UNC5CL: variants seen among roughly 807,000 people sequenced by gnomAD.
UNC5CL encodes UNC5C-like protein.
In UNC5CL, 42 loss-of-function variants were observed where a neutral mutation model predicts 54.1. The observed-to-expected ratio is 0.78, with a 90% CI of 0.61 to 1.00. The LOEUF (loss-of-function observed/expected upper bound fraction) is 1.00. Ranked by LOEUF, UNC5CL falls within the 50% of genes least tolerant of loss-of-function variation. The pLI is 0.00. For missense variants in UNC5CL, 619 were observed against 675.6 expected (o/e 0.92, Z 0.93); for synonymous variants, 285 against 285.1 (o/e 1.00, Z 0.00).
chr6:41,034,827 A>T lies in UNC5CL; in HGVS notation c.248T>A (p.Leu83Gln). The T allele has an allele frequency of 6.2e-7, 1 of 1,614,212 alleles. No homozygotes were observed. ...LPEMVAFYQELHTPTQGQTMV... is the reference protein window; with the variant it reads ...LPEMVAFYQEQHTPTQGQTMV... ...GGTCTGGCCTTGAGTGGGTGTGTGT[A>T]GCTCCTGGTAGAAGGCAACCATCTC... The change falls in exon 2 of 9, where the codon CTA (leucine) becomes CAA (glutamine). Residue 83 changes from leucine to glutamine, a missense_variant. By Grantham distance (113) the Leu-to-Gln change is moderately radical. Transcript: ENST00000244565.
chr6:41,028,640 G>A lies in UNC5CL; in HGVS notation c.1335-45C>T, dbSNP rs1762417291. The A allele has an allele frequency of 3.2e-6, 5 of 1,575,138 alleles. No homozygotes were observed. Among genetic ancestry groups the A allele is most frequent in the Non-Finnish European group, 4.3e-6 (5 of 1,155,406 alleles). ...GAAGAGAAGGGTGTAGGAGCAGGGA[G>A]GGGCTCCCCCCCTGCTGCAGGCTCC... On this transcript the variant is annotated intron_variant, in intron 8 of 8. Coordinates refer to ENST00000244565, the MANE Select transcript of UNC5CL (RefSeq NM_173561.3). The surrounding 1 kb of genome is among the most constrained non-coding windows in gnomAD (Gnocchi z 4.3).
At chr6:41,034,649 C>CT (rs1762497240) in intron 2 of UNC5CL, 41 bp downstream of exon 2, 1 of 1,581,708 alleles carries the variant, frequency 6.3e-7, no homozygotes, top group Non-Finnish European at 8.6e-7. Context: ...AATGTACAGT[C>CT]TGACCAACTG....
rs1485676737 is a variant in UNC5CL, at chr6:41,028,197, C to T, written c.*176G>A. 2.9e-6 allele frequency: 2 copies of T among 682,640 alleles called. No homozygotes were observed. Among genetic ancestry groups the T allele is most frequent in the African/African-American group, 3.7e-5 (2 of 53,630 alleles). The allele number at this position is 682,640 out of a possible 1,614,324, so 42.3% of individuals were successfully genotyped here. ...GACCCGCACGCGGGACAGCTCGCGGCCGGAAGGGCGCGCCTGCTGCTGGGA... is the reference window on the plus strand; with the variant it reads ...GACCCGCACGCGGGACAGCTCGCGGTCGGAAGGGCGCGCCTGCTGCTGGGA... On this transcript the variant is annotated 3_prime_UTR_variant, in exon 9 of 9. Coordinates refer to ENST00000244565, the MANE Select transcript of UNC5CL (RefSeq NM_173561.3). This position sits in a 1 kb window ranked among gnomAD's most constrained non-coding sequence, Gnocchi z 4.3.
chr6:41,031,268 C>T (rs1762450252), intron 6 of UNC5CL, among the ~76,000 whole-genome samples: 1 of 152,186 alleles, frequency 6.6e-6, no homozygotes. Flanking sequence ...CCTGCCTACT[C>T]AAGACCCTCT....
chr6:41,031,675 A>C lies in UNC5CL; in HGVS notation c.1119+6T>G. ...GCCCTTCCTCTGCCCCTCAGCTCCAACTCACATCCTGGAAGGTGTGCATGG... is the reference window on the plus strand; with the variant it reads ...GCCCTTCCTCTGCCCCTCAGCTCCACCTCACATCCTGGAAGGTGTGCATGG... On this transcript the variant is annotated splice_donor_region_variant and intron_variant, in intron 6 of 8. Coordinates refer to ENST00000244565, the MANE Select transcript of UNC5CL (RefSeq NM_173561.3). 5.6e-6 allele frequency: 9 copies of C among 1,614,112 alleles called. No individual in the cohort carries two copies. The highest frequency in any genetic ancestry group is 7.6e-6 in the Non-Finnish European group (9 of 1,179,994).
intron 3 of UNC5CL, chr6:41,033,492 G>A: frequency 2.0e-6 from 1 of 489,920 alleles, no homozygotes; most frequent in Non-Finnish European, 3.6e-6. Context: ...ACAAAGAGAA[G>A]AAGGACAGAG....
chr6:41,038,448 G>A (rs749194533), intron 1 of UNC5CL, among the ~76,000 whole-genome samples: 4 of 152,090 alleles, frequency 2.6e-5, no homozygotes, highest in Admixed American at 1.3e-4. Context: ...TCCGACCCTG[G>A]AGAAGTTGGC....
chr6:41,033,760 A>G (rs1237031788), intron 3 of UNC5CL, 121 bp downstream of exon 3: 2 of 1,186,752 alleles, frequency 1.7e-6, no homozygotes, highest in Non-Finnish European at 2.4e-6. Flanking sequence ...CCAGGGGATA[A>G]AGGATTTGCA....
rs780709712 is a variant in UNC5CL at position 41,034,198 on chromosome 6, G to C, written c.386-17C>G. 1 of 1,588,250 alleles carries C rather than the reference G, an allele frequency of 6.3e-7. No homozygotes were observed. Among genetic ancestry groups the C allele is most frequent in the Non-Finnish European group, 8.6e-7 (1 of 1,166,996 alleles). ...CCACAGCACCTGGCAGGGAGAGGGA[G>C]AGCTGAGATGGGCCTGGTAGGCAGG... On this transcript the variant is annotated splice_polypyrimidine_tract_variant and intron_variant, in intron 2 of 8. Coordinates refer to ENST00000244565, the MANE Select transcript of UNC5CL (RefSeq NM_173561.3).
chr6:41,032,935 A>G lies in UNC5CL; in HGVS notation c.898T>C (p.Phe300Leu). 6.2e-7 allele frequency: 1 copy of G among 1,605,714 alleles called. No individual in the cohort carries two copies. The highest frequency in any genetic ancestry group is 2.2e-5 in the East Asian group (1 of 44,670). Residue 300 changes from phenylalanine (F) to leucine (L), a missense_variant, in exon 4 of 9, where the codon TTC becomes CTC. Physicochemically the swap from Phe to Leu is conservative, Grantham distance 22. Transcript: ENST00000244565. The part of the protein sequence containing the change: ...RLRGPCQLFD[F>L]NGARGDQCLK... The stretch of plus-strand genomic sequence containing the variant: ...CACTGGTCGCCCCTAGCCCCATTGA[A>G]GTCGAAGAGCTGGCAGGGCCCACGC...
chr6:41,028,100 C>G lies in UNC5CL; in HGVS notation c.*273G>C. 2.0e-6 allele frequency: 1 copy of G among 501,794 alleles called. No homozygotes were observed. Among genetic ancestry groups the G allele is most frequent in the South Asian group, 2.6e-5 (1 of 38,006 alleles). 31.1% of individuals were successfully genotyped at this position (501,794 alleles called of 1,614,324 possible). A position where few individuals can be genotyped will look rare whatever the true frequency, so the allele number is the denominator to read the frequency against. ...TGCACGCGGGGACCGTGGCCGTCCC[C>G]TGGTCAGTTTGGCAGGCTGGCCACG... On this transcript the variant is annotated 3_prime_UTR_variant, in exon 9 of 9. Coordinates refer to ENST00000244565, the MANE Select transcript of UNC5CL (RefSeq NM_173561.3). This position sits in a 1 kb window ranked among gnomAD's most constrained non-coding sequence, Gnocchi z 4.3.
chr6:41,030,320 A>C lies in UNC5CL; in HGVS notation c.1334+68T>G, dbSNP rs944722185. 4 of 1,451,132 alleles carry C rather than the reference A, an allele frequency of 2.8e-6. No homozygotes were observed. In the African/African-American group the frequency reaches 5.6e-5, roughly 20 times the overall value. The allele number at this position is 1,451,132 out of a possible 1,614,324, so 89.9% of individuals were successfully genotyped here. ...CCCTTGCCTGTGATCCAGTCTCCAGAGTGTCCTGAGGAACCCCATTCCAGC... is the reference window on the plus strand; with the variant it reads ...CCCTTGCCTGTGATCCAGTCTCCAGCGTGTCCTGAGGAACCCCATTCCAGC... On this transcript the variant is annotated intron_variant, in intron 8 of 8. Coordinates refer to ENST00000244565, the MANE Select transcript of UNC5CL (RefSeq NM_173561.3).
chr6:41,034,222 G>C, intron 2 of UNC5CL, 41 bp from the exon 3 acceptor site: 4 of 1,560,938 alleles, frequency 2.6e-6, no homozygotes, highest in Non-Finnish European at 3.5e-6. Context: ...CTGGTAGGCA[G>C]GCACACCCCT....
intron 6 of UNC5CL, 96 bp downstream of exon 6, chr6:41,031,585 T>C (rs1364644408): frequency 4.8e-6 from 6 of 1,239,302 alleles, no homozygotes; most frequent in Non-Finnish European, 7.1e-6. Context: ...ACCTATGTGA[T>C]TAAGACCATA....
chr6:41,035,368 G>T (rs1051135229), intron 1 of UNC5CL, among the ~76,000 whole-genome samples: 1 of 152,220 alleles, frequency 6.6e-6, no homozygotes, highest in South Asian at 2.1e-4. Context: ...TACAGTTAGA[G>T]AACATGAGTT....
rs564087094 is a variant in UNC5CL, at chr6:41,035,134, G to C, written c.-60C>G. The stretch of plus-strand genomic sequence containing the variant: ...ACCCCTGTGCCAGCCAAAGCCAAAG[G>C]CCTGGTGGGGAAGAAGGGGTCAGTG... On this transcript the variant is annotated splice_region_variant and 5_prime_UTR_variant, in exon 2 of 9. Coordinates refer to ENST00000244565, the MANE Select transcript of UNC5CL (RefSeq NM_173561.3). 1.3e-6 allele frequency: 2 copies of C among 1,507,676 alleles called. No individual in the cohort carries two copies. Among genetic ancestry groups the C allele is most frequent in the Admixed American group, 2.2e-5 (1 of 45,248 alleles). The allele number at this position is 1,507,676 out of a possible 1,614,324, so 93.4% of individuals were successfully genotyped here.
chr6:41,032,668 G>A (rs1443766253), intron 4 of UNC5CL, among the ~76,000 whole-genome samples: 1 of 152,198 alleles, frequency 6.6e-6, no homozygotes. Flanking sequence ...GACTGAGGCA[G>A]GAGAATAACT....
rs779578563 is a variant in UNC5CL, at chr6:41,032,118, G to A, written c.969C>T (p.Asp323=). The A allele has an allele frequency of 1.2e-6, 2 of 1,614,204 alleles. No homozygotes were observed. The highest frequency in any genetic ancestry group is 1.7e-6 in the Non-Finnish European group (2 of 1,180,030). ...GATGGGGAACCAGCTGGCAACTGCT[G>A]TCATCCACATTCTCCCAACCTGGTG... ...YISEGWENVD[D]SSCQLVPHLH... Residue 323 remains aspartate, a synonymous_variant, in exon 5 of 9, where the codon GAC becomes GAT. Transcript: ENST00000244565.
chr6:41,032,796 G>T, intron 4 of UNC5CL, 88 bp downstream of exon 4: 1 of 1,449,912 alleles, frequency 6.9e-7, no homozygotes, highest in Non-Finnish European at 9.1e-7. Context: ...GGGATCCCCA[G>T]ATCTCCAGAT....
Sources: allele counts gnomAD v4.1 joint callset (sites outside exome capture counted in the v4.1 genomes callset), GRCh38; gene constraint gnomAD v4.1.1; non-coding constraint Gnocchi (gnomAD v3.1); transcripts MANE v1.5; gene names NCBI Gene and HGNC (gene_info 2026-07-23, HGNC 2026-07-21).